Variants in IL16 observed in about 807,000 individuals in gnomAD.
IL16 encodes the protein interleukin 16.
A neutral mutation model predicts 110.1 loss-of-function variants in IL16; 67 were observed. That is an observed-to-expected ratio of 0.61 (90% CI 0.50 to 0.75). The LOEUF is 0.75. IL16 is among the 30% of genes least tolerant of loss of function. The pLI is 0.00. For missense variants in IL16, 1,545 were observed against 1,655.0 expected, an observed-to-expected ratio of 0.93 and a Z score of 1.15; for synonymous variants, 689 against 662.9, an observed-to-expected ratio of 1.04 and a Z score of -0.61.
chr15:81,184,449 A>G (rs1448096223), intron 1 of IL16, among the ~76,000 whole-genome samples: 1 of 152,190 alleles, frequency 6.6e-6, no homozygotes, highest in Non-Finnish European at 1.5e-5. Flanking sequence ...AGGGGATCTT[A>G]TGGGGTTTTG....
Position 81,265,743 on chromosome 15 carries a change from T to G in IL16, c.506T>G (p.Leu169Arg). The G allele has an allele frequency of 6.2e-7, 1 of 1,613,904 alleles. No homozygotes were observed. ...CCCACGGACAGGCAGCCTTACTCTC[T>G]CTGCAGTAACAGGAAGTCCCTCTCT... Reference protein sequence around the residue: ...AAPTDRQPYSLCSNRKSLSQQ... With the variant: ...AAPTDRQPYSRCSNRKSLSQQ... The change falls in exon 4 of 19, where the codon CTC becomes CGC. Residue 169 changes from leucine (L) to arginine (R), a missense_variant. Leu to Arg is a moderately radical substitution (Grantham distance 102, BLOSUM62 -2). Around this residue, in one of 3 missense-constraint regions of IL16, gnomAD observed 1,185 missense variants for 1,238.8 expected, o/e 0.96. Transcript: ENST00000683961.
intron 2 of IL16, among the ~76,000 whole-genome samples, chr15:81,251,972 A>C (rs562110929): frequency 1.1e-4 from 17 of 152,348 alleles, no homozygotes; most frequent in African/African-American, 4.1e-4. Context: ...AAGAGCAATG[A>C]AAAACTGGTC....
At chr15:81,268,671 C>G (rs1254388828) in intron 4 of IL16, among the ~76,000 whole-genome samples, 1 of 152,288 alleles carries the variant, frequency 6.6e-6, no homozygotes, top group African/African-American at 2.4e-5. Flanking sequence ...GGAAGCACAG[C>G]CTTCAGCCCC....
At position 81,269,521 on chromosome 15, in the gene IL16, C is replaced by T. The variant is rs770520247; in HGVS notation, c.565-17C>T. Reference sequence around the variant, plus strand: ...CTATGTGGCTAATCTTCTGCCTACTCTGGTTCCTTGTTGCAGGGAACTTCG... The same window carrying T: ...CTATGTGGCTAATCTTCTGCCTACTTTGGTTCCTTGTTGCAGGGAACTTCG... On this transcript the variant is annotated splice_polypyrimidine_tract_variant and intron_variant, in intron 4 of 18. Coordinates refer to ENST00000683961, the MANE Select transcript of IL16 (RefSeq NM_172217.5). 1 of 1,586,028 alleles carries T rather than the reference C, an allele frequency of 6.3e-7. No individual in the cohort carries two copies. Among genetic ancestry groups the T allele is most frequent in the East Asian group, 2.2e-5 (1 of 44,742 alleles).
intron 2 of IL16, among the ~76,000 whole-genome samples, chr15:81,243,271 G>C (rs538194084): frequency 1.3e-3 from 181 of 139,628 alleles, no homozygotes; most frequent in African/African-American, 4.1e-3. Flanking sequence ...CACCTCTCAG[G>C]CTCAAGAAAT....
chr15:81,231,894 A>T (rs1341474180), intron 2 of IL16, among the ~76,000 whole-genome samples: 2 of 152,104 alleles, frequency 1.3e-5, no homozygotes, highest in African/African-American at 4.8e-5. Flanking sequence ...TTATAAGTCA[A>T]GGATCACATA....
intron 1 of IL16, among the ~76,000 whole-genome samples, chr15:81,207,668 C>T (rs1021302088): frequency 6.6e-6 from 1 of 152,182 alleles, no homozygotes; most frequent in Non-Finnish European, 1.5e-5. Flanking sequence ...TGTGTGGTCT[C>T]TAGCTCCATC....
At chr15:81,227,123 C>T (rs143903408) in intron 2 of IL16, among the ~76,000 whole-genome samples, 1 of 152,230 alleles carries the variant, frequency 6.6e-6, no homozygotes, top group Non-Finnish European at 1.5e-5. Flanking sequence ...AGGAAAAAGG[C>T]ATCATGTCTC....
intron 1 of IL16, among the ~76,000 whole-genome samples, chr15:81,190,627 T>C (rs1258247130): frequency 6.6e-6 from 1 of 152,186 alleles, no homozygotes; most frequent in Non-Finnish European, 1.5e-5. Flanking sequence ...CTTAGCCTTG[T>C]GTCTAGCTGT....
chr15:81,247,149 G>A (rs1429126749), intron 2 of IL16, among the ~76,000 whole-genome samples: 3 of 132,376 alleles, frequency 2.3e-5, no homozygotes, highest in Non-Finnish European at 3.1e-5. Context: ...TCTTTTCACA[G>A]AACCAGCTTA....
intron 4 of IL16, among the ~76,000 whole-genome samples, chr15:81,268,172 G>T (rs999050050): frequency 4.2e-4 from 64 of 152,210 alleles, no homozygotes; most frequent in African/African-American, 1.5e-3. Context: ...TATTTCCTGG[G>T]TGACTTTGGA....
intron 1 of IL16, among the ~76,000 whole-genome samples, chr15:81,190,846 AGGG>A (rs1895488032): frequency 1.3e-5 from 2 of 152,224 alleles, no homozygotes; most frequent in South Asian, 4.1e-4. Context: ...TCATAGGAGA[AGGG>A]TACAGTGCTT....
At chr15:81,300,615 ATG>A (rs1900235569) in intron 14 of IL16, 140 bp downstream of exon 14, 1 of 578,742 alleles carries the variant, frequency 1.7e-6, no homozygotes, top group South Asian at 2.6e-5. Flanking sequence ...CTTTCTTTCC[ATG>A]TGTGTGCAGA....
At chr15:81,221,437 A>G (rs1044646956) in intron 1 of IL16, among the ~76,000 whole-genome samples, 2 of 152,162 alleles carry the variant, frequency 1.3e-5, no homozygotes, top group African/African-American at 4.8e-5. Context: ...GCTGGACTGG[A>G]GGAATGGCAT....
At position 81,225,672 on chromosome 15, in the gene IL16, T is replaced by C. The variant is rs1291243295; in HGVS notation, c.273T>C (p.Asn91=). Residue 91 remains asparagine, a synonymous_variant, in exon 2 of 19, where the codon AAT becomes AAC. Coordinates refer to ENST00000683961, the MANE Select transcript of IL16 (RefSeq NM_172217.5). ...SEAAQLQAAG[N]DRGKTCRRIF... ...CTGCTCAACTCCAAGCAGCTGGGAA[T>C]GATCGAGGCAAGACCTGTAGGAGGA... 1 of 1,613,904 alleles carries C rather than the reference T, an allele frequency of 6.2e-7. No homozygotes were observed. Among genetic ancestry groups the C allele is most frequent in the Non-Finnish European group, 8.5e-7 (1 of 1,179,884 alleles).
At chr15:81,282,124 C>A (rs1034017500) in intron 8 of IL16, among the ~76,000 whole-genome samples, 3 of 152,234 alleles carry the variant, frequency 2.0e-5, no homozygotes, top group Non-Finnish European at 4.4e-5. Flanking sequence ...CTCTCCCATG[C>A]AGGCTGTGTC....
intron 14 of IL16, 121 bp downstream of exon 14, chr15:81,300,596 G>A: frequency 1.6e-6 from 1 of 630,724 alleles, no homozygotes; most frequent in Admixed American, 3.3e-5. Flanking sequence ...TTAAAGAATT[G>A]TTCTGCCTCT....
At chr15:81,183,041 G>A (rs1046860611) in intron 1 of IL16, 5 of 426,514 alleles carry the variant, frequency 1.2e-5, no homozygotes, top group East Asian at 7.2e-5. Flanking sequence ...GTGTGCACAC[G>A]TGTGAGTGTG....
Position 81,285,775 on chromosome 15 carries a change from G to A in IL16, c.1277G>A (p.Ser426Asn). The change falls in exon 10 of 19, where the codon AGT (serine) becomes AAT (asparagine). Residue 426 changes from serine (S) to asparagine (N), a missense_variant. Around this residue, in one of 3 missense-constraint regions of IL16, gnomAD observed 1,185 missense variants for 1,238.8 expected, o/e 0.96. Transcript: ENST00000683961. ...CTCAATGAAGTCTACACGATCCTGA[G>A]TCACTGTGATCCCGGTCCAGTCCCC... ...LTLNEVYTIL[S>N]HCDPGPVPII... 3.7e-6 allele frequency: 6 copies of A among 1,614,168 alleles called. No homozygotes were observed. The highest frequency in any genetic ancestry group is 5.1e-6 in the Non-Finnish European group (6 of 1,180,002).
Sources: gnomAD v4.1 joint callset for allele counts (sites outside exome capture counted in the v4.1 genomes callset) on GRCh38, gnomAD v4.1.1 for gene constraint, gnomAD v4.1.1 regional missense constraint, MANE v1.5 for transcripts, NCBI Gene and HGNC (gene_info 2026-07-23, HGNC 2026-07-21) for gene names.